The following PHLDB2 variants were observed in gnomAD, a reference collection of about 807,000 sequenced individuals.
The protein encoded by PHLDB2 is pleckstrin homology like domain family B member 2.
PHLDB2 carries 71 observed loss-of-function variants against 123.6 expected under a neutral mutation model. The ratio of observed to expected loss-of-function variants is 0.57; its 90% CI spans 0.47 to 0.70. PHLDB2 has a LOEUF of 0.70. PHLDB2 is among the 30% of genes least tolerant of loss of function. The probability of loss-of-function intolerance (pLI) is 0.00; values close to 1 mark genes in which losing one functional copy is unlikely to be tolerated. For synonymous variants in PHLDB2, 547 were observed against 541.6 expected (o/e 1.01, Z -0.14); for missense variants, 1,446 against 1,519.5 (o/e 0.95, Z 0.80).
At chr3:111,879,571 G>A (rs2065833680) in intron 1 of PHLDB2, among the ~76,000 whole-genome samples, 2 of 152,102 alleles carry the variant, frequency 1.3e-5, no homozygotes, top group Non-Finnish European at 2.9e-5. Flanking sequence ...AGGGGAGGCA[G>A]GAGAGGCAGG....
chr3:111,779,713 T>C, intron 1 of PHLDB2: 1 of 357,956 alleles, frequency 2.8e-6, no homozygotes, highest in East Asian at 1.7e-4. Flanking sequence ...TTCCACATTT[T>C]TGCTCTTGTG....
In PHLDB2 at chr3:111,872,340, A is replaced by G. The variant is rs191126210; in HGVS notation, c.-14-11724A>G. Among the ~76,000 whole-genome samples, 126 of 152,342 alleles carry G rather than the reference A, an allele frequency of 8.3e-4. No individual in the cohort carries two copies. The Middle Eastern group carries it at 0.01, about 12-fold the overall frequency. On this transcript the variant is annotated intron_variant, in intron 1 of 17. Transcript: ENST00000431670. ...CAAAACAAACACATCAGCATAGATC[A>G]AGAAGACAGGCTGTAAACTTTGGCA...
chr3:111,829,523 G>T (rs1429705152), intron 1 of PHLDB2, among the ~76,000 whole-genome samples: 13 of 133,012 alleles, frequency 9.8e-5, no homozygotes, highest in African/African-American at 3.7e-4. Context: ...GAGTACAGTG[G>T]TATGATCTCA....
At chr3:111,800,100 G>A (rs2061324381) in intron 1 of PHLDB2, among the ~76,000 whole-genome samples, 1 of 152,036 alleles carries the variant, frequency 6.6e-6, no homozygotes. Context: ...AACCTCCCTG[G>A]GCTCAGGTAA....
intron 1 of PHLDB2, among the ~76,000 whole-genome samples, chr3:111,743,632 C>A (rs940409195): frequency 1.3e-5 from 2 of 152,146 alleles, no homozygotes; most frequent in Non-Finnish European, 2.9e-5. Flanking sequence ...ATCCCAATAG[C>A]CTACATTAGC....
At chr3:111,807,595 AT>A (rs1249004217) in intron 1 of PHLDB2, among the ~76,000 whole-genome samples, 1 of 152,002 alleles carries the variant, frequency 6.6e-6, no homozygotes, top group Non-Finnish European at 1.5e-5. Context: ...CAGGCGCGTG[AT>A]TTTTTTAATT....
intron 1 of PHLDB2, among the ~76,000 whole-genome samples, chr3:111,763,410 T>C (rs999244464): frequency 1.4e-4 from 22 of 152,332 alleles, no homozygotes; most frequent in African/African-American, 4.8e-4. Context: ...ACACTCTTCA[T>C]GTTTTAGTTC....
At chr3:111,917,434 T>C (rs1316050792) in intron 3 of PHLDB2, 1 of 152,240 alleles carries the variant, frequency 6.6e-6, no homozygotes, top group Non-Finnish European at 1.5e-5. Flanking sequence ...AAACCTAATA[T>C]GTAATCTTGA....
At chr3:111,748,839 G>A (rs1396603646) in intron 1 of PHLDB2, among the ~76,000 whole-genome samples, 1 of 151,800 alleles carries the variant, frequency 6.6e-6, no homozygotes. Context: ...CTTTTTTCTT[G>A]TCAAATTTAG....
At chr3:111,740,229 G>A (rs1224696294) in intron 1 of PHLDB2, among the ~76,000 whole-genome samples, 1 of 152,124 alleles carries the variant, frequency 6.6e-6, no homozygotes, top group African/African-American at 2.4e-5. Context: ...ACAATCACAA[G>A]TGATGGCAAA....
chr3:111,804,249 A>G (rs1450491702), intron 1 of PHLDB2, among the ~76,000 whole-genome samples: 1 of 152,190 alleles, frequency 6.6e-6, no homozygotes, highest in Non-Finnish European at 1.5e-5. Context: ...TTGAGAACAC[A>G]TGGTCTATAA....
chr3:111,861,972 G>A (rs1402938211), intron 1 of PHLDB2, among the ~76,000 whole-genome samples: 1 of 152,086 alleles, frequency 6.6e-6, no homozygotes, highest in East Asian at 1.9e-4. Context: ...CTCCCGAGTA[G>A]CTGGGATTAC....
intron 2 of PHLDB2, chr3:111,911,534 T>A: frequency 8.1e-7 from 1 of 1,239,064 alleles, no homozygotes; most frequent in Non-Finnish European, 1.1e-6. Context: ...GCTTCCTCCC[T>A]ATAAAGCTGA....
chr3:111,866,580 C>A (rs1187531939), intron 1 of PHLDB2, among the ~76,000 whole-genome samples: 1 of 152,128 alleles, frequency 6.6e-6, no homozygotes, highest in African/African-American at 2.4e-5. Flanking sequence ...CGGAGAGTTT[C>A]CCTCCCATAC....
At chr3:111,896,971 A>G (rs565051361) in intron 2 of PHLDB2, among the ~76,000 whole-genome samples, 4 of 152,286 alleles carry the variant, frequency 2.6e-5, no homozygotes, top group South Asian at 2.1e-4. Context: ...GTTTCCTCCA[A>G]TGGTAACATC....
intron 1 of PHLDB2, among the ~76,000 whole-genome samples, chr3:111,876,870 A>G (rs1576970272): frequency 6.6e-6 from 1 of 152,294 alleles, no homozygotes; most frequent in East Asian, 1.9e-4. Context: ...GGTTTCCAGC[A>G]TCATCCATGT....
At chr3:111,762,570 A>ACCTT (rs1338765262) in intron 1 of PHLDB2, among the ~76,000 whole-genome samples, 1 of 152,076 alleles carries the variant, frequency 6.6e-6, no homozygotes, top group African/African-American at 2.4e-5. Context: ...TCTGATCCAG[A>ACCTT]CCTTCCACCC....
At chr3:111,827,598 C>A (rs986376443) in intron 1 of PHLDB2, among the ~76,000 whole-genome samples, 2 of 148,790 alleles carry the variant, frequency 1.3e-5, no homozygotes, top group African/African-American at 2.5e-5. Flanking sequence ...GGCGTCAACC[C>A]GGGAGGCGGA....
rs1340746508 is a variant in PHLDB2 at position 111,944,875 on chromosome 3, A to G, written c.2398-393A>G. Reference sequence around the variant, plus strand: ...TTTTTAGTAGAGACAAGGTTTCACCATGTTAGCCAGGATGGTCTCAATCTC... The same window carrying G: ...TTTTTAGTAGAGACAAGGTTTCACCGTGTTAGCCAGGATGGTCTCAATCTC... On this transcript the variant is annotated intron_variant, in intron 8 of 17. Coordinates refer to ENST00000431670, the MANE Select transcript of PHLDB2 (RefSeq NM_001134438.2). 2.0e-5 allele frequency among the ~76,000 whole-genome samples: 3 copies of G among 152,056 alleles called. No homozygotes were observed. In the East Asian group the frequency reaches 5.8e-4, roughly 29 times the overall value.
Sources: allele counts gnomAD v4.1 joint callset (sites outside exome capture counted in the v4.1 genomes callset), GRCh38; gene constraint gnomAD v4.1.1; transcripts MANE v1.5; gene names NCBI Gene and HGNC (gene_info 2026-07-23, HGNC 2026-07-21).